The following GRIP1 variants were observed in gnomAD, a reference collection of about 807,000 sequenced individuals.
GRIP1 encodes glutamate receptor-interacting protein 1.
In GRIP1, 45 loss-of-function variants were observed where a neutral mutation model predicts 129.9. That is an observed-to-expected ratio of 0.35 (90% CI 0.27 to 0.44). GRIP1 has a LOEUF of 0.44. Ranked by LOEUF, GRIP1 falls within the 20% of genes least tolerant of loss-of-function variation. The pLI is 1.00. For missense variants in GRIP1, 1,196 were observed against 1,396.8 expected (o/e 0.86, Z 2.29); for synonymous variants, 530 against 520.8 (o/e 1.02, Z -0.24).
At chr12:66,363,248 T>C (rs1229709373) in intron 23 of GRIP1, among the ~76,000 whole-genome samples, 2 of 133,538 alleles carry the variant, frequency 1.5e-5, no homozygotes, top group South Asian at 4.8e-4. Flanking sequence ...GTATCTCTTT[T>C]TTTTTTCCTT....
chr12:66,479,098 T>C (rs1205495135), intron 7 of GRIP1, among the ~76,000 whole-genome samples: 1 of 48,498 alleles, frequency 2.1e-5, no homozygotes, highest in Non-Finnish European at 3.9e-5. Flanking sequence ...ATGTGAGAGA[T>C]AAAACAGAAA....
chr12:66,719,575 A>T (rs2035996646), intron 1 of GRIP1, among the ~76,000 whole-genome samples: 1 of 152,208 alleles, frequency 6.6e-6, no homozygotes, highest in Non-Finnish European at 1.5e-5. Flanking sequence ...CTTATAACTC[A>T]TCTTTTTCCA....
chr12:66,482,531 T>C (rs4913310), intron 7 of GRIP1, among the ~76,000 whole-genome samples: 97,178 of 152,074 alleles, frequency 0.64, 31,499 homozygotes, highest in Middle Eastern at 0.78. Context: ...CTGGCAATTG[T>C]TTTCCATAAT....
intron 14 of GRIP1, among the ~76,000 whole-genome samples, chr12:66,426,191 A>C (rs1416715706): frequency 6.6e-6 from 1 of 152,088 alleles, no homozygotes; most frequent in Non-Finnish European, 1.5e-5. Flanking sequence ...TTTGGAAATA[A>C]ATCCCTTAAT....
chr12:66,397,773 G>A (rs577856207), intron 16 of GRIP1, among the ~76,000 whole-genome samples: 3 of 152,282 alleles, frequency 2.0e-5, no homozygotes, highest in South Asian at 2.1e-4. Flanking sequence ...GACTGAGAGT[G>A]GAGATGAAGC....
intron 1 of GRIP1, among the ~76,000 whole-genome samples, chr12:67,047,201 G>A (rs1329931036): frequency 1.3e-5 from 2 of 152,012 alleles, no homozygotes; most frequent in South Asian, 2.1e-4. Flanking sequence ...ATGGTTGCTT[G>A]GATATAAGTT....
chr12:66,916,587 AT>A (rs1396503445), intron 1 of GRIP1, among the ~76,000 whole-genome samples: 1 of 152,170 alleles, frequency 6.6e-6, no homozygotes, highest in Non-Finnish European at 1.5e-5. Context: ...TAGAAGTATT[AT>A]TTTTTTAAAT....
intron 1 of GRIP1, among the ~76,000 whole-genome samples, chr12:66,731,373 T>C (rs1272006808): frequency 2.0e-5 from 3 of 152,204 alleles, no homozygotes; most frequent in Non-Finnish European, 4.4e-5. Flanking sequence ...ACTTTTTACA[T>C]GTCTTACATT....
chr12:66,562,641 T>C (rs903122472), intron 2 of GRIP1, among the ~76,000 whole-genome samples: 1 of 152,176 alleles, frequency 6.6e-6, no homozygotes, highest in Non-Finnish European at 1.5e-5. Flanking sequence ...ATATTTACAG[T>C]AGAAGGAGTT....
chr12:66,419,501 C>T (rs1359967324), intron 15 of GRIP1, among the ~76,000 whole-genome samples: 1 of 152,108 alleles, frequency 6.6e-6, no homozygotes, highest in Non-Finnish European at 1.5e-5. Context: ...GATGGGTACC[C>T]TATTTTCCAT....
chr12:66,914,287 T>C (rs1308240442), intron 1 of GRIP1, among the ~76,000 whole-genome samples: 1 of 152,224 alleles, frequency 6.6e-6, no homozygotes, highest in Non-Finnish European at 1.5e-5. Flanking sequence ...GCTACCTATT[T>C]TGCTGTTGTT....
intron 1 of GRIP1, among the ~76,000 whole-genome samples, chr12:66,903,215 CAT>C (rs1308394132): frequency 6.6e-6 from 1 of 151,548 alleles, no homozygotes; most frequent in Non-Finnish European, 1.5e-5. Context: ...CACCGCAATC[CAT>C]AGTTATTTAT....
chr12:66,623,204 C>T (rs1226017651), intron 1 of GRIP1, among the ~76,000 whole-genome samples: 1 of 152,128 alleles, frequency 6.6e-6, no homozygotes, highest in African/African-American at 2.4e-5. Flanking sequence ...AGAGATATAG[C>T]CTAAGTCTCT....
At chr12:66,476,371 T>C (rs540824463) in intron 7 of GRIP1, among the ~76,000 whole-genome samples, 26 of 152,252 alleles carry the variant, frequency 1.7e-4, no homozygotes, top group African/African-American at 6.0e-4. Context: ...GAAGCAATAA[T>C]TAATAGCTTA....
chr12:66,382,045 C>A (rs561362033), intron 19 of GRIP1, among the ~76,000 whole-genome samples: 2 of 152,088 alleles, frequency 1.3e-5, no homozygotes, highest in Non-Finnish European at 2.9e-5. Context: ...GGGCAATAAT[C>A]CGTCTCTACA....
intron 1 of GRIP1, among the ~76,000 whole-genome samples, chr12:66,625,110 T>C (rs1369044449): frequency 6.6e-6 from 1 of 152,090 alleles, no homozygotes; most frequent in Non-Finnish European, 1.5e-5. Context: ...TATGTTATTA[T>C]CTGTCATGAC....
At chr12:66,673,934 G>A (rs149301957) in intron 1 of GRIP1, among the ~76,000 whole-genome samples, 1 of 152,176 alleles carries the variant, frequency 6.6e-6, no homozygotes, top group Non-Finnish European at 1.5e-5. Flanking sequence ...TGATAGGCTA[G>A]AAAGATAAAT....
At chr12:66,583,657 A>G (rs2063496641) in intron 2 of GRIP1, among the ~76,000 whole-genome samples, 1 of 140,468 alleles carries the variant, frequency 7.1e-6, no homozygotes, top group Admixed American at 7.3e-5. Context: ...ACATGAAAAA[A>G]TGCTCATCAT....
intron 1 of GRIP1, among the ~76,000 whole-genome samples, chr12:66,644,036 T>C (rs1355400079): frequency 6.6e-6 from 1 of 152,078 alleles, no homozygotes; most frequent in African/African-American, 2.4e-5. Flanking sequence ...AGGCGAAAGG[T>C]ACTTCTTACA....
Sources: gnomAD v4.1 joint callset for allele counts (sites outside exome capture counted in the v4.1 genomes callset) on GRCh38, gnomAD v4.1.1 for gene constraint, MANE v1.5 for transcripts, NCBI Gene and HGNC (gene_info 2026-07-23, HGNC 2026-07-21) for gene names.